LRRC37A2: variants seen among roughly 807,000 people sequenced by gnomAD.
LRRC37A2 encodes the protein leucine-rich repeat-containing protein 37A2.
In LRRC37A2, 9 loss-of-function variants were observed where a neutral mutation model predicts 68.8. That is an observed-to-expected ratio of 0.13 (90% CI 0.08 to 0.23). The LOEUF (loss-of-function observed/expected upper bound fraction) is 0.23. LRRC37A2 is among the 10% of genes least tolerant of loss of function. LRRC37A2 has a pLI of 1.00. For synonymous variants in LRRC37A2, 63 were observed against 367.6 expected, an observed-to-expected ratio of 0.17 and a Z score of 9.48; for missense variants, 168 against 950.4, an observed-to-expected ratio of 0.18 and a Z score of 10.82.
At chr17:46,836,028 C>T in the LRRC37A2 span, among the ~76,000 whole-genome samples, 1 of 150,748 alleles carries the variant, frequency 6.6e-6, no homozygotes, top group African/African-American at 2.5e-5. Context: ...ATGGGGCCTG[C>T]GAGGATGGTC....
chr17:46,851,743 C>T, the LRRC37A2 span: 1 of 1,202,114 alleles, frequency 8.3e-7, no homozygotes, highest in South Asian at 3.1e-5. The surrounding 1 kb of genome is among the most constrained non-coding windows in gnomAD (Gnocchi z 4.3). Context: ...CCCCCGCCCG[C>T]TCCCCGGCCT....
the LRRC37A2 span, chr17:46,939,997 T>C: frequency 9.9e-7 from 1 of 1,010,570 alleles, no homozygotes. Flanking sequence ...ATCCTTCAGA[T>C]CTGGAAACCG....
chr17:46,787,912 T>C, the LRRC37A2 span, among the ~76,000 whole-genome samples: 1 of 148,380 alleles, frequency 6.7e-6, no homozygotes, highest in Non-Finnish European at 1.5e-5. Flanking sequence ...GCCGAGATTG[T>C]GCCACTGCAC....
chr17:47,006,171 G>A, the LRRC37A2 span, among the ~76,000 whole-genome samples: 15 of 151,610 alleles, frequency 9.9e-5, no homozygotes, highest in Admixed American at 2.6e-4. Context: ...ACTCCATCTC[G>A]GAAAAAAAAT....
chr17:46,922,978 G>A, the LRRC37A2 span: 1 of 606,510 alleles, frequency 1.6e-6, no homozygotes, highest in South Asian at 1.9e-5. Context: ...ACGTGAAGCC[G>A]AGCCTGTGAC....
At chr17:46,823,197 T>TA in the LRRC37A2 span, among the ~76,000 whole-genome samples, 332 of 116,404 alleles carry the variant, frequency 2.9e-3, 4 homozygotes, top group Non-Finnish European at 4.2e-3. Context: ...ATTATATATA[T>TA]TTATATATAA....
the LRRC37A2 span, among the ~76,000 whole-genome samples, chr17:46,829,955 T>C: frequency 2.6e-5 from 4 of 152,150 alleles, no homozygotes; most frequent in Non-Finnish European, 4.4e-5. Context: ...CAGGGTTAAA[T>C]GGCATAGTTT....
the LRRC37A2 span, among the ~76,000 whole-genome samples, chr17:46,946,845 G>A: frequency 4.6e-5 from 7 of 152,180 alleles, no homozygotes; most frequent in South Asian, 1.2e-3. Flanking sequence ...CCTGGGTGAC[G>A]AAATGAGACT....
chr17:46,791,017 C>T, the LRRC37A2 span, among the ~76,000 whole-genome samples: 1 of 152,146 alleles, frequency 6.6e-6, no homozygotes, highest in Non-Finnish European at 1.5e-5. Flanking sequence ...TCCTGGTTTC[C>T]CCTTAGCTTT....
At chr17:46,905,792 G>T in the LRRC37A2 span, among the ~76,000 whole-genome samples, 1 of 95,566 alleles carries the variant, frequency 1.0e-5, no homozygotes, top group Non-Finnish European at 2.5e-5. Flanking sequence ...GTGTGTGTGT[G>T]TGTGTGTGTG....
chr17:46,791,823 T>A, the LRRC37A2 span, among the ~76,000 whole-genome samples: 1 of 152,234 alleles, frequency 6.6e-6, no homozygotes, highest in African/African-American at 2.4e-5. Flanking sequence ...GGGGATCACC[T>A]GAGGCCAGGA....
the LRRC37A2 span, chr17:46,923,288 G>A: frequency 1.3e-6 from 2 of 1,549,326 alleles, no homozygotes; most frequent in East Asian, 2.4e-5. Context: ...GGCTTCTGGG[G>A]CTGAGGCCTC....
the LRRC37A2 span, among the ~76,000 whole-genome samples, chr17:46,958,907 C>T: frequency 6.6e-6 from 1 of 152,210 alleles, no homozygotes; most frequent in African/African-American, 2.4e-5. Context: ...AAATGTACAA[C>T]CTACCTCCAA....
the LRRC37A2 span, chr17:46,931,127 A>G: frequency 1.2e-6 from 2 of 1,608,508 alleles, no homozygotes; most frequent in East Asian, 2.2e-5. Flanking sequence ...AAGCAAGCAT[A>G]GACCAGATAT....
At chr17:46,960,272 A>G in the LRRC37A2 span, among the ~76,000 whole-genome samples, 1 of 152,238 alleles carries the variant, frequency 6.6e-6, no homozygotes, top group Non-Finnish European at 1.5e-5. Context: ...CATTCAATAG[A>G]AGACAAATTA....
the LRRC37A2 span, among the ~76,000 whole-genome samples, chr17:46,953,690 T>A: frequency 6.6e-6 from 1 of 151,698 alleles, no homozygotes; most frequent in Non-Finnish European, 1.5e-5. Flanking sequence ...CCTATTTCTC[T>A]CCAGCAGCTG....
the LRRC37A2 span, among the ~76,000 whole-genome samples, chr17:46,502,909 A>G: frequency 1.3e-5 from 2 of 150,542 alleles, no homozygotes; most frequent in Admixed American, 1.3e-4. Flanking sequence ...GTAGCACTCA[A>G]CGTTTAAAAA....
chr17:46,956,405 C>CT, the LRRC37A2 span, among the ~76,000 whole-genome samples: 1 of 150,702 alleles, frequency 6.6e-6, no homozygotes, highest in African/African-American at 2.4e-5. Context: ...ATTCTCCTGC[C>CT]TCAGCCTCCC....
At chr17:46,532,541 G>A (rs1773121353) in intron 6 of LRRC37A2, among the ~76,000 whole-genome samples, 1 of 145,216 alleles carries the variant, frequency 6.9e-6, no homozygotes, top group Non-Finnish European at 1.5e-5. Context: ...CTGCCTGCTG[G>A]TCTTCAGCTT....
Sources: allele counts gnomAD v4.1 joint callset (sites outside exome capture counted in the v4.1 genomes callset), GRCh38; gene constraint gnomAD v4.1.1; non-coding constraint Gnocchi (gnomAD v3.1); transcripts MANE v1.5; gene names NCBI Gene and HGNC (gene_info 2026-07-23, HGNC 2026-07-21).